The following SORCS2 variants were observed in gnomAD, a reference collection of about 807,000 sequenced individuals.
SORCS2 encodes the protein VPS10 domain-containing receptor SorCS2.
In SORCS2, 100 loss-of-function variants were observed where a neutral mutation model predicts 141.6. That is an observed-to-expected ratio of 0.71 (90% CI 0.60 to 0.83). The LOEUF is 0.83. SORCS2 is among the 40% of genes least tolerant of loss of function. The pLI, the probability that SORCS2 is intolerant of heterozygous loss-of-function variation, is 0.00. For missense variants in SORCS2, 1,646 were observed against 1,560.2 expected (o/e 1.05, Z -0.93); for synonymous variants, 789 against 676.9 (o/e 1.17, Z -2.57).
chr4:7,243,688 A>G (rs887478403), intron 1 of SORCS2, among the ~76,000 whole-genome samples: 20 of 152,246 alleles, frequency 1.3e-4, no homozygotes, highest in African/African-American at 4.8e-4. Context: ...GTTGGCATGA[A>G]TCATGTGGTT....
At chr4:7,389,140 C>T (rs1461860414) in intron 1 of SORCS2, among the ~76,000 whole-genome samples, 1 of 152,094 alleles carries the variant, frequency 6.6e-6, no homozygotes, top group Non-Finnish European at 1.5e-5. Context: ...TGTTCCTGCC[C>T]ATCCTGCCTG....
chr4:7,515,848 GAGACCTC>G (rs66700121), intron 2 of SORCS2, among the ~76,000 whole-genome samples: 1,531 of 152,316 alleles, frequency 0.01, 16 homozygotes, highest in East Asian at 0.022. Context: ...TCAGGGCCAG[GAGACCTC>G]AGTTAAGATC....
intron 10 of SORCS2, among the ~76,000 whole-genome samples, chr4:7,684,624 T>C (rs1379252639): frequency 1.3e-5 from 2 of 152,148 alleles, no homozygotes; most frequent in Admixed American, 6.5e-5. Context: ...AGCTTCCTCA[T>C]GTGTAAAATA....
At position 7,697,125 on chromosome 4, in the gene SORCS2, C is replaced by T; in HGVS notation, c.1592-73C>T. Reference sequence around the variant, plus strand: ...TGGCCACCGTTGCTTGAGGTTTTTCCATGCTCAGACTTGTTAAAGGGGTAA... The same window carrying T: ...TGGCCACCGTTGCTTGAGGTTTTTCTATGCTCAGACTTGTTAAAGGGGTAA... On this transcript the variant is annotated intron_variant, in intron 11 of 26. Coordinates refer to ENST00000507866, the MANE Select transcript of SORCS2 (RefSeq NM_020777.3). 2.2e-5 allele frequency: 29 copies of T among 1,348,698 alleles called. 1 individual carries two copies. In the South Asian group the frequency reaches 3.8e-4, roughly 18 times the overall value. The allele number at this position is 1,348,698 out of a possible 1,614,324, so 83.5% of individuals were successfully genotyped here. A position where few individuals can be genotyped will look rare whatever the true frequency, so the allele number is the denominator to read the frequency against.
intron 1 of SORCS2, among the ~76,000 whole-genome samples, chr4:7,210,487 C>G (rs1727999332): frequency 6.6e-6 from 1 of 152,164 alleles, no homozygotes; most frequent in South Asian, 2.1e-4. Context: ...CGCTGTGTTG[C>G]CCAGGCTGGT....
intron 2 of SORCS2, among the ~76,000 whole-genome samples, chr4:7,528,523 T>G (rs1163996237): frequency 6.6e-6 from 1 of 152,156 alleles, no homozygotes; most frequent in African/African-American, 2.4e-5. Flanking sequence ...CCTCCTGGGT[T>G]CAAGAGATTC....
Position 7,509,378 on chromosome 4 carries a change from G to A in SORCS2, c.549-22152G>A, listed in dbSNP as rs189337300. 3.3e-5 allele frequency among the ~76,000 whole-genome samples: 5 copies of A among 152,194 alleles called. No homozygotes were observed. In the East Asian group the frequency reaches 9.7e-4, roughly 30 times the overall value. On this transcript the variant is annotated intron_variant, in intron 2 of 26. Transcript: ENST00000507866. ...GAGCCTCCCATTGTGGAGTCCGGTG[G>A]GAGTCCTGGGCCAGGCAGTCATAGG...
intron 2 of SORCS2, among the ~76,000 whole-genome samples, chr4:7,422,044 G>T (rs902490057): frequency 1.6e-4 from 24 of 152,260 alleles, no homozygotes; most frequent in African/African-American, 5.8e-4. Flanking sequence ...GTCCAGCCTG[G>T]TCGGTGCCCC....
At chr4:7,284,224 A>T (rs374573127) in intron 1 of SORCS2, among the ~76,000 whole-genome samples, 8 of 152,244 alleles carry the variant, frequency 5.3e-5, no homozygotes, top group African/African-American at 1.7e-4. Context: ...CTGAGGAAGG[A>T]TGTACAATTT....
At chr4:7,682,947 C>G in intron 10 of SORCS2, 58 bp downstream of exon 10, 17 of 1,570,612 alleles carry the variant, frequency 1.1e-5, no homozygotes, top group Non-Finnish European at 1.5e-5. Flanking sequence ...GATATAACTT[C>G]AGTAATCAAG....
intron 1 of SORCS2, among the ~76,000 whole-genome samples, chr4:7,365,811 G>C (rs1458827871): frequency 1.3e-5 from 2 of 152,188 alleles, no homozygotes; most frequent in African/African-American, 4.8e-5. Context: ...CTCCTTGAGA[G>C]AGCGAGCCAG....
chr4:7,340,682 G>C (rs1336870468), intron 1 of SORCS2, among the ~76,000 whole-genome samples: 1 of 152,210 alleles, frequency 6.6e-6, no homozygotes, highest in Non-Finnish European at 1.5e-5. Context: ...AACTCCCTGA[G>C]CTCCAGCTGC....
chr4:7,194,767 T>G (rs186666458), intron 1 of SORCS2, among the ~76,000 whole-genome samples: 3 of 152,140 alleles, frequency 2.0e-5, no homozygotes, highest in Admixed American at 1.3e-4. Flanking sequence ...AAGCTCTAAC[T>G]CAGGTGGAAA....
At chr4:7,571,168 G>A (rs764427138) in intron 3 of SORCS2, among the ~76,000 whole-genome samples, 35 of 152,332 alleles carry the variant, frequency 2.3e-4, no homozygotes, top group Non-Finnish European at 4.7e-4. Context: ...GTGAACCTGG[G>A]CAGCATTTAC....
At chr4:7,335,160 A>G (rs139511363) in intron 1 of SORCS2, among the ~76,000 whole-genome samples, 94 of 152,296 alleles carry the variant, frequency 6.2e-4, no homozygotes, top group Middle Eastern at 3.4e-3. Context: ...AATTTGTGTT[A>G]GAAATTCTGA....
chr4:7,529,307 C>T (rs142004227), intron 2 of SORCS2, among the ~76,000 whole-genome samples: 6 of 152,300 alleles, frequency 3.9e-5, no homozygotes, highest in East Asian at 1.9e-4. Context: ...ACCCCTACAC[C>T]GTTGATTCTT....
At chr4:7,251,255 C>T (rs1051810813) in intron 1 of SORCS2, among the ~76,000 whole-genome samples, 9 of 152,194 alleles carry the variant, frequency 5.9e-5, no homozygotes, top group Non-Finnish European at 1.3e-4. Context: ...AGCTCTGCCT[C>T]TTTTCTTGCT....
chr4:7,410,018 C>G (rs1334049628), intron 2 of SORCS2, among the ~76,000 whole-genome samples: 1 of 152,246 alleles, frequency 6.6e-6, no homozygotes, highest in Admixed American at 6.5e-5. Flanking sequence ...TCCTCTGACG[C>G]TCACTGATAT....
intron 3 of SORCS2, among the ~76,000 whole-genome samples, chr4:7,538,002 G>A (rs1253043661): frequency 3.3e-5 from 5 of 152,034 alleles, no homozygotes; most frequent in Admixed American, 3.3e-4. Flanking sequence ...AAGAAAAGGG[G>A]GCAAAGTCAG....
Sources: gnomAD v4.1 joint callset for allele counts (sites outside exome capture counted in the v4.1 genomes callset) on GRCh38, gnomAD v4.1.1 for gene constraint, MANE v1.5 for transcripts, NCBI Gene and HGNC (gene_info 2026-07-23, HGNC 2026-07-21) for gene names.